Variants in GRM7 observed in about 807,000 individuals in gnomAD.
GRM7 encodes glutamate metabotropic receptor 7, also known as metabotropic glutamate receptor 7.
A neutral mutation model predicts 84.5 loss-of-function variants in GRM7; 35 were observed. That is an observed-to-expected ratio of 0.41 (90% confidence interval 0.32 to 0.55). GRM7 has a LOEUF of 0.55. GRM7 is among the 20% of genes least tolerant of loss of function. GRM7 has a pLI of 0.19. For synonymous variants in GRM7, 487 were observed against 455.1 expected (o/e 1.07, Z -0.89); for missense variants, 1,003 against 1,194.6 (o/e 0.84, Z 2.36).
intron 1 of GRM7, among the ~76,000 whole-genome samples, chr3:7,004,055 G>A (rs755373519): frequency 2.0e-5 from 3 of 152,190 alleles, no homozygotes; most frequent in Admixed American, 6.5e-5. Flanking sequence ...CATAATGGCT[G>A]CTGGCTTCCC....
At chr3:7,334,423 A>G (rs576904126) in intron 4 of GRM7, among the ~76,000 whole-genome samples, 2 of 152,212 alleles carry the variant, frequency 1.3e-5, no homozygotes, top group South Asian at 4.1e-4. Context: ...TTAAAATAAA[A>G]CCTGAAAATA....
At chr3:7,177,597 G>T (rs531622437) in intron 2 of GRM7, among the ~76,000 whole-genome samples, 1 of 151,184 alleles carries the variant, frequency 6.6e-6, no homozygotes, top group Non-Finnish European at 1.5e-5. Context: ...TGACATGGAG[G>T]AGACAGGAGA....
chr3:6,898,557 A>G (rs1696272357), intron 1 of GRM7, among the ~76,000 whole-genome samples: 1 of 152,236 alleles, frequency 6.6e-6, no homozygotes. Context: ...CTCAATTTCC[A>G]CCTTCTACTC....
intron 7 of GRM7, among the ~76,000 whole-genome samples, chr3:7,522,597 G>T (rs1299514101): frequency 6.6e-6 from 1 of 152,058 alleles, no homozygotes; most frequent in Non-Finnish European, 1.5e-5. Flanking sequence ...TATGATGTAG[G>T]TATATCTGTG....
intron 2 of GRM7, among the ~76,000 whole-genome samples, chr3:7,193,681 T>TCC (rs1433352622): frequency 3.3e-5 from 5 of 151,740 alleles, no homozygotes; most frequent in Admixed American, 2.0e-4. Context: ...TCTCTCTCTC[T>TCC]CCCCCTCCCT....
At chr3:7,641,926 T>G (rs2125105318) in intron 8 of GRM7, among the ~76,000 whole-genome samples, 1 of 142,202 alleles carries the variant, frequency 7.0e-6, no homozygotes, top group African/African-American at 2.7e-5. Context: ...ATGTTTACTT[T>G]GAAATCAAGA....
chr3:7,046,346 G>T (rs947791495), intron 1 of GRM7, among the ~76,000 whole-genome samples: 4 of 152,106 alleles, frequency 2.6e-5, no homozygotes, highest in Non-Finnish European at 5.9e-5. Flanking sequence ...TGCTGAGCTG[G>T]AGCTAGACTT....
At chr3:6,993,299 G>C (rs1694713217) in intron 1 of GRM7, among the ~76,000 whole-genome samples, 1 of 152,168 alleles carries the variant, frequency 6.6e-6, no homozygotes, top group Non-Finnish European at 1.5e-5. Context: ...GATGAGATTT[G>C]GGTGGGGACA....
intron 1 of GRM7, among the ~76,000 whole-genome samples, chr3:6,890,857 G>A (rs566305786): frequency 6.6e-6 from 1 of 152,244 alleles, no homozygotes; most frequent in South Asian, 2.1e-4. Context: ...TTATTATTGT[G>A]TGGGAGTCTA....
intron 5 of GRM7, among the ~76,000 whole-genome samples, chr3:7,439,364 C>A (rs1359325923): frequency 1.3e-5 from 2 of 152,142 alleles, no homozygotes; most frequent in African/African-American, 2.4e-5. Flanking sequence ...GTAACGTAGC[C>A]CATGGTGTCA....
At chr3:7,209,013 T>C (rs187198286) in intron 2 of GRM7, among the ~76,000 whole-genome samples, 1 of 152,306 alleles carries the variant, frequency 6.6e-6, no homozygotes, top group Non-Finnish European at 1.5e-5. Context: ...TGAATGAAAA[T>C]GCATACACCT....
intron 7 of GRM7, among the ~76,000 whole-genome samples, chr3:7,473,524 G>GAGAGAGAA (rs1161345170): frequency 6.8e-6 from 1 of 146,866 alleles, no homozygotes; most frequent in Non-Finnish European, 1.5e-5. Flanking sequence ...GAGAGAGAGA[G>GAGAGAGAA]AGAGAGAAAC....
chr3:7,590,906 T>C (rs185740076), intron 8 of GRM7, among the ~76,000 whole-genome samples: 1 of 152,178 alleles, frequency 6.6e-6, no homozygotes, highest in Non-Finnish European at 1.5e-5. Flanking sequence ...TGAAAGTACC[T>C]TAAAGGTAAG....
chr3:7,437,600 ATTAT>A (rs2124863886), intron 5 of GRM7, among the ~76,000 whole-genome samples: 1 of 152,084 alleles, frequency 6.6e-6, no homozygotes, highest in South Asian at 2.1e-4. Flanking sequence ...TATTGTCTCT[ATTAT>A]TTCTTTTTTT....
intron 2 of GRM7, among the ~76,000 whole-genome samples, chr3:7,184,642 T>C (rs1655720546): frequency 6.6e-6 from 1 of 152,174 alleles, no homozygotes; most frequent in Non-Finnish European, 1.5e-5. Flanking sequence ...TAATTAGAAA[T>C]ATATTATCAT....
At chr3:7,687,048 A>G (rs949561601) in intron 9 of GRM7, among the ~76,000 whole-genome samples, 4 of 151,844 alleles carry the variant, frequency 2.6e-5, no homozygotes, top group Admixed American at 6.6e-5. Context: ...GTTGATGATG[A>G]TTTGTGGCTC....
intron 9 of GRM7, among the ~76,000 whole-genome samples, chr3:7,723,824 G>A (rs556511982): frequency 1.3e-5 from 2 of 152,048 alleles, no homozygotes; most frequent in Non-Finnish European, 2.9e-5. Flanking sequence ...TCCAGCCTGG[G>A]CAACAGAGTG....
rs1177308527 is a variant in GRM7 at position 7,650,565 on chromosome 3, T to C, written c.2452-29484T>C. Among the ~76,000 whole-genome samples the C allele has an allele frequency of 4.6e-5, 7 of 152,366 alleles. No individual in the cohort carries two copies. The East Asian group carries it at 1.3e-3, about 29-fold the overall frequency. ...TTGCAGAAGGAATTCTGTTAGCTGT[T>C]GAGGCTCTGGTTCTAATTCTGTTTC... On this transcript the variant is annotated intron_variant, in intron 8 of 9. Transcript: ENST00000357716.
Position 6,861,911 on chromosome 3 carries a change from G to C in GRM7, c.519+4G>C. 1 of 1,605,580 alleles carries C rather than the reference G, an allele frequency of 6.2e-7. No homozygotes were observed. The highest frequency in any genetic ancestry group is 8.5e-7 in the Non-Finnish European group (1 of 1,174,136). On this transcript the variant is annotated splice_donor_region_variant and intron_variant, in intron 1 of 9. Coordinates refer to ENST00000357716, the MANE Select transcript of GRM7 (RefSeq NM_000844.4). The surrounding 1 kb of genome is among the most constrained non-coding windows in gnomAD (Gnocchi z 6.4). ...CAACATCCTGAGGCTCTTCCAGGTA[G>C]GGATGCGCTCCCTCCGGGGCGGAGC...
Sources: gnomAD v4.1 joint callset for allele counts (sites outside exome capture counted in the v4.1 genomes callset) on GRCh38, gnomAD v4.1.1 for gene constraint, Gnocchi (gnomAD v3.1) non-coding constraint, MANE v1.5 for transcripts, NCBI Gene and HGNC (gene_info 2026-07-23, HGNC 2026-07-21) for gene names.